HMGA2: variants seen among roughly 807,000 people sequenced by gnomAD.
HMGA2 encodes high mobility group protein HMGI-C.
HMGA2 carries 8 observed loss-of-function variants against 19.1 expected under a neutral mutation model. The ratio of observed to expected loss-of-function variants is 0.42; its 90% CI spans 0.25 to 0.76. The LOEUF (loss-of-function observed/expected upper bound fraction) is 0.76, where lower values mean the gene tolerates loss of function less well. HMGA2 is among the 30% of genes least tolerant of loss of function. The probability of loss-of-function intolerance (pLI) is 0.28; values close to 1 mark genes in which losing one functional copy is unlikely to be tolerated. For missense variants in HMGA2, 109 were observed against 136.3 expected (o/e 0.80, Z 1.00); for synonymous variants, 60 against 48.8 (o/e 1.23, Z -0.96).
intron 3 of HMGA2, among the ~76,000 whole-genome samples, chr12:65,840,648 A>G (rs1051468558): frequency 3.9e-5 from 6 of 152,210 alleles, no homozygotes; most frequent in African/African-American, 1.4e-4. Context: ...CTAAGTTGAT[A>G]CTGGCATACA....
chr12:65,879,710 A>T lies in HMGA2; in HGVS notation c.249+41141A>T, dbSNP rs548038882. ...AAAAGTACAAAAACAAAAACAGTAA[A>T]CACTTTAGGTGAATGTTGTGTTAAA... On this transcript the variant is annotated intron_variant, in intron 3 of 4. Coordinates refer to ENST00000403681, the MANE Select transcript of HMGA2 (RefSeq NM_003483.6). 2.3e-4 allele frequency among the ~76,000 whole-genome samples: 35 copies of T among 152,264 alleles called. 1 individual carries two copies. In the Middle Eastern group the frequency reaches 0.01, roughly 44 times the overall value.
intron 3 of HMGA2, among the ~76,000 whole-genome samples, chr12:65,942,413 ATG>A (rs762450937): frequency 3.4e-4 from 52 of 152,154 alleles, no homozygotes; most frequent in African/African-American, 1.2e-3. Context: ...ATATGTATAT[ATG>A]TGTGTGTGTG....
At chr12:65,910,828 A>C (rs2121209473) in intron 3 of HMGA2, among the ~76,000 whole-genome samples, 1 of 152,336 alleles carries the variant, frequency 6.6e-6, no homozygotes, top group South Asian at 2.1e-4. Flanking sequence ...AAAGGGGGCT[A>C]AATACCCTTT....
chr12:65,912,211 A>G (rs1245180026), intron 3 of HMGA2, among the ~76,000 whole-genome samples: 2 of 152,304 alleles, frequency 1.3e-5, no homozygotes, highest in Non-Finnish European at 2.9e-5. Context: ...TATGCATATT[A>G]TTTTGGTAAG....
chr12:65,908,706 C>A (rs1180644510), intron 3 of HMGA2, among the ~76,000 whole-genome samples: 1 of 152,146 alleles, frequency 6.6e-6, no homozygotes, highest in African/African-American at 2.4e-5. Flanking sequence ...TTAATAGATG[C>A]CTATGTTTTT....
chr12:65,902,681 A>G (rs1033986089), intron 3 of HMGA2, among the ~76,000 whole-genome samples: 9 of 152,198 alleles, frequency 5.9e-5, no homozygotes, highest in Admixed American at 5.9e-4. Flanking sequence ...AAATGAGGAA[A>G]TGGAACAGAC....
chr12:65,885,915 G>A (rs370942036), intron 3 of HMGA2, among the ~76,000 whole-genome samples: 10 of 152,228 alleles, frequency 6.6e-5, no homozygotes, highest in African/African-American at 2.2e-4. Context: ...CCTTAGTTCC[G>A]GGAACTGCCC....
chr12:65,940,207 GAAT>G (rs1299212197), intron 3 of HMGA2, among the ~76,000 whole-genome samples: 6 of 151,874 alleles, frequency 4.0e-5, no homozygotes, highest in African/African-American at 1.5e-4. Context: ...TTTTCAAGAG[GAAT>G]AATAGAAATA....
At chr12:65,945,251 G>A (rs1229841931) in intron 3 of HMGA2, among the ~76,000 whole-genome samples, 6 of 151,048 alleles carry the variant, frequency 4.0e-5, no homozygotes, top group Non-Finnish European at 8.8e-5. Context: ...AAAAAAAAAT[G>A]ATTCAAAGCC....
chr12:65,835,815 G>A (rs1401166590), intron 2 of HMGA2, among the ~76,000 whole-genome samples: 1 of 152,056 alleles, frequency 6.6e-6, no homozygotes, highest in Non-Finnish European at 1.5e-5. Context: ...TAACTTCTAA[G>A]GTCAATAGGC....
At chr12:65,844,840 C>T (rs1190401523) in intron 3 of HMGA2, among the ~76,000 whole-genome samples, 1 of 152,188 alleles carries the variant, frequency 6.6e-6, no homozygotes. Context: ...ATTTTTCTCA[C>T]TTGTGTGGAG....
intron 3 of HMGA2, chr12:65,914,929 C>A (rs751655151): frequency 3.9e-6 from 5 of 1,274,078 alleles, no homozygotes; most frequent in African/African-American, 1.5e-5. Flanking sequence ...CCCACCTTGG[C>A]CTCTCAAAGT....
intron 3 of HMGA2, among the ~76,000 whole-genome samples, chr12:65,849,618 A>G (rs1261877250): frequency 6.6e-6 from 1 of 151,700 alleles, no homozygotes; most frequent in East Asian, 1.9e-4. Context: ...CCTTATTATA[A>G]TTTCTTACAT....
intron 2 of HMGA2, among the ~76,000 whole-genome samples, chr12:65,835,950 T>G (rs1023892012): frequency 6.6e-6 from 1 of 152,222 alleles, no homozygotes; most frequent in Non-Finnish European, 1.5e-5. Flanking sequence ...TTAAGTCAGA[T>G]GCTGCTTCTG....
At chr12:65,869,734 C>A (rs562794933) in intron 3 of HMGA2, among the ~76,000 whole-genome samples, 1 of 152,144 alleles carries the variant, frequency 6.6e-6, no homozygotes, top group Non-Finnish European at 1.5e-5. Flanking sequence ...GCCTACCAAG[C>A]CTGGCATTGT....
chr12:65,888,554 C>CTTTTTTTT lies in HMGA2; in HGVS notation c.249+50005_249+50012dup, dbSNP rs1180942808. On this transcript the variant is annotated intron_variant, in intron 3 of 4. Transcript: ENST00000403681. ...AGGAATAGAGTGCCCGTGGTGTGCT[C>CTTTTTTTT]TTTTTTTTTTTTTTTTTTTTTTTTT... Among the ~76,000 whole-genome samples, 10 of 40,544 alleles carry CTTTTTTTT rather than the reference C, an allele frequency of 2.5e-4. 4 individuals carry two copies. Among genetic ancestry groups the CTTTTTTTT allele is most frequent in the African/African-American group, 1.0e-3 (10 of 9,928 alleles). The allele number at this position is 40,544 out of a possible 152,430, so 26.6% of individuals were successfully genotyped here.
intron 3 of HMGA2, among the ~76,000 whole-genome samples, chr12:65,887,389 A>G (rs982876733): frequency 6.6e-6 from 1 of 152,156 alleles, no homozygotes; most frequent in African/African-American, 2.4e-5. Flanking sequence ...GGAGTTCAAA[A>G]CCAGCCTGGC....
intron 3 of HMGA2, among the ~76,000 whole-genome samples, chr12:65,935,893 G>A (rs1875875795): frequency 6.6e-6 from 1 of 152,140 alleles, no homozygotes; most frequent in Non-Finnish European, 1.5e-5. Context: ...TTGAAGATAG[G>A]AGAACAAGGG....
Position 65,895,423 on chromosome 12 carries a change from T to A in HMGA2, c.250-55960T>A, listed in dbSNP as rs150059461. On this transcript the variant is annotated intron_variant, in intron 3 of 4. Transcript: ENST00000403681. ...CTTATGATTACCTGAGGCTTTAGGT[T>A]TTTAAAAGCCTTTGTACCTAAAGGT... 2.6e-3 allele frequency among the ~76,000 whole-genome samples: 389 copies of A among 152,266 alleles called. 3 individuals carry two copies. Among genetic ancestry groups the A allele is most frequent in the African/African-American group, 8.9e-3 (370 of 41,558 alleles).
Sources: allele counts gnomAD v4.1 joint callset (sites outside exome capture counted in the v4.1 genomes callset), GRCh38; gene constraint gnomAD v4.1.1; transcripts MANE v1.5; gene names NCBI Gene and HGNC (gene_info 2026-07-23, HGNC 2026-07-21).